The following GRIA3 variants were observed in gnomAD, a reference collection of about 807,000 sequenced individuals.
The protein encoded by GRIA3 is glutamate receptor 3.
GRIA3 carries 3 observed loss-of-function variants against 63.0 expected under a neutral mutation model. The ratio of observed to expected loss-of-function variants is 0.05; its 90% CI spans 0.02 to 0.12. The LOEUF is 0.12. GRIA3 is among the 10% of genes least tolerant of loss of function. The pLI is 1.00. For synonymous variants in GRIA3, 274 were observed against 257.9 expected (o/e 1.06, Z -0.60); for missense variants, 347 against 700.9 (o/e 0.50, Z 5.70).
chrX:123,206,430 A>G (rs1017944025), intron 2 of GRIA3, among the ~76,000 whole-genome samples: 1 of 112,318 alleles, frequency 8.9e-6, no homozygotes, highest in African/African-American at 3.2e-5. Flanking sequence ...GATGCTCGGC[A>G]GATGGCTCAC....
intron 4 of GRIA3, among the ~76,000 whole-genome samples, chrX:123,350,220 A>G (rs2045084790): frequency 9.0e-6 from 1 of 111,515 alleles, no homozygotes; most frequent in Non-Finnish European, 1.9e-5. Flanking sequence ...TGCCTAAATC[A>G]AAGAGAAATA....
intron 7 of GRIA3, among the ~76,000 whole-genome samples, chrX:123,399,161 G>A (rs2045431037): frequency 9.0e-6 from 1 of 111,717 alleles, no homozygotes; most frequent in Non-Finnish European, 1.9e-5. Context: ...ACATTCTTTA[G>A]GGAGATTAGA....
chrX:123,249,982 G>C (rs1230485584), intron 2 of GRIA3, among the ~76,000 whole-genome samples: 1 of 111,820 alleles, frequency 8.9e-6, no homozygotes, highest in African/African-American at 3.3e-5. Context: ...CAAAGTCTGG[G>C]TTTCACATAT....
intron 2 of GRIA3, among the ~76,000 whole-genome samples, chrX:123,205,575 G>A (rs1481504419): frequency 1.8e-5 from 2 of 111,867 alleles, no homozygotes; most frequent in South Asian, 7.5e-4. Flanking sequence ...AAATGTGACA[G>A]CTGACAATAA....
intron 2 of GRIA3, among the ~76,000 whole-genome samples, chrX:123,231,055 A>G (rs1258794551): frequency 8.9e-6 from 1 of 112,248 alleles, no homozygotes; most frequent in African/African-American, 3.2e-5. Flanking sequence ...TAGTCTTTTC[A>G]GAAACAAACC....
chrX:123,309,066 C>T (rs1226378323), intron 3 of GRIA3, among the ~76,000 whole-genome samples: 1 of 111,989 alleles, frequency 8.9e-6, no homozygotes, highest in Non-Finnish European at 1.9e-5. Context: ...AGGCATAAGG[C>T]GTATAACTCC....
chrX:123,296,588 T>C (rs2147311573), intron 3 of GRIA3, among the ~76,000 whole-genome samples: 1 of 111,516 alleles, frequency 9.0e-6, no homozygotes, highest in African/African-American at 3.2e-5. Flanking sequence ...ACTCCAATAA[T>C]ATACGGTGGA....
At chrX:123,484,092 GGTAA>G (rs2045928425) in intron 15 of GRIA3, among the ~76,000 whole-genome samples, 1 of 111,989 alleles carries the variant, frequency 8.9e-6, no homozygotes, top group Admixed American at 9.4e-5. Flanking sequence ...CTGGTGCACA[GGTAA>G]GTGTCTATCA....
At chrX:123,379,620 G>GTTTTTT (rs369507360) in intron 5 of GRIA3, among the ~76,000 whole-genome samples, 1 of 68,002 alleles carries the variant, frequency 1.5e-5, no homozygotes, top group Non-Finnish European at 2.7e-5. Context: ...CTAGCAACTT[G>GTTTTTT]TTTTTTTTTT....
intron 5 of GRIA3, chrX:123,361,127 G>A (rs779418237): frequency 9.0e-6 from 1 of 111,123 alleles, no homozygotes; most frequent in South Asian, 3.9e-4. Flanking sequence ...ATCTCAGAAT[G>A]TACTTGAAAA....
At chrX:123,234,380 G>T (rs767814160) in intron 2 of GRIA3, among the ~76,000 whole-genome samples, 2 of 112,010 alleles carry the variant, frequency 1.8e-5, no homozygotes, top group African/African-American at 6.5e-5. Flanking sequence ...ACCCTGAAAA[G>T]ATTTGTACTT....
At chrX:123,198,398 C>T (rs769257862) in intron 2 of GRIA3, among the ~76,000 whole-genome samples, 1 of 111,963 alleles carries the variant, frequency 8.9e-6, no homozygotes, top group South Asian at 3.7e-4. Context: ...GGATCATCCA[C>T]GTAAAATATT....
At chrX:123,353,637 T>G (rs1298342598) in intron 4 of GRIA3, among the ~76,000 whole-genome samples, 1 of 111,922 alleles carries the variant, frequency 8.9e-6, no homozygotes, top group East Asian at 2.8e-4. Flanking sequence ...AGAGAGAAAT[T>G]TATCATAAAG....
intron 5 of GRIA3, among the ~76,000 whole-genome samples, chrX:123,377,101 AT>A (rs1311259822): frequency 1.8e-5 from 2 of 108,931 alleles, no homozygotes; most frequent in Admixed American, 9.8e-5. Context: ...TGCCCGGCTA[AT>A]TTTTTTTATA....
intron 5 of GRIA3, among the ~76,000 whole-genome samples, chrX:123,383,509 C>T (rs1464761825): frequency 9.0e-6 from 1 of 110,857 alleles, no homozygotes; most frequent in Non-Finnish European, 1.9e-5. Context: ...TTTTTAGCTC[C>T]CAGATATGAG....
At chrX:123,390,757 G>A (rs962326148) in intron 5 of GRIA3, among the ~76,000 whole-genome samples, 10 of 110,881 alleles carry the variant, frequency 9.0e-5, no homozygotes, top group Non-Finnish European at 1.5e-4. Context: ...TCACCTTCTG[G>A]GACACTAAAA....
intron 3 of GRIA3, among the ~76,000 whole-genome samples, chrX:123,307,255 A>G (rs1002469497): frequency 8.9e-6 from 1 of 111,864 alleles, no homozygotes; most frequent in African/African-American, 3.3e-5. Context: ...ATTTTCATCA[A>G]TGTAAATACT....
At chrX:123,239,275 G>T (rs1187393366) in intron 2 of GRIA3, among the ~76,000 whole-genome samples, 2 of 110,187 alleles carry the variant, frequency 1.8e-5, no homozygotes, top group Non-Finnish European at 3.8e-5. Flanking sequence ...GTCACTAACG[G>T]CCCTCAAAAT....
At chrX:123,230,030 G>A (rs2044268153) in intron 2 of GRIA3, among the ~76,000 whole-genome samples, 1 of 111,548 alleles carries the variant, frequency 9.0e-6, no homozygotes, top group African/African-American at 3.3e-5. Flanking sequence ...TTTGCTAAAT[G>A]CATGATTTGG....
Sources: allele counts gnomAD v4.1 joint callset (sites outside exome capture counted in the v4.1 genomes callset), GRCh38; gene constraint gnomAD v4.1.1; transcripts MANE v1.5; gene names NCBI Gene and HGNC (gene_info 2026-07-23, HGNC 2026-07-21).